The following TXK variants were observed in gnomAD, a reference collection of about 807,000 sequenced individuals.
TXK encodes tyrosine-protein kinase TXK.
Under a neutral mutation model 81.0 loss-of-function variants are expected in TXK, and 60 were observed. The ratio of observed to expected loss-of-function variants is 0.74; its 90% confidence interval spans 0.60 to 0.92. TXK has a LOEUF of 0.92. TXK is among the 40% of genes least tolerant of loss of function. The pLI is 0.00. For missense variants in TXK, 581 were observed against 638.3 expected, an observed-to-expected ratio of 0.91 and a Z score of 0.97; for synonymous variants, 203 against 210.7, an observed-to-expected ratio of 0.96 and a Z score of 0.32.
intron 1 of TXK, among the ~76,000 whole-genome samples, chr4:48,126,833 T>G (rs6814443): frequency 0.76 from 115,023 of 152,066 alleles, 43,754 homozygotes; most frequent in East Asian, 0.92. Flanking sequence ...GAAATTGCTG[T>G]TATCAGTCAG....
At chr4:48,079,033 T>G (rs1215813509) in intron 11 of TXK, among the ~76,000 whole-genome samples, 1 of 152,216 alleles carries the variant, frequency 6.6e-6, no homozygotes, top group Non-Finnish European at 1.5e-5. Flanking sequence ...TCAAGGCATA[T>G]TTAGAGTAAA....
chr4:48,068,709 G>A (rs746452112), intron 14 of TXK, among the ~76,000 whole-genome samples: 23 of 152,164 alleles, frequency 1.5e-4, no homozygotes, highest in Non-Finnish European at 3.2e-4. Flanking sequence ...AGAAGAGATG[G>A]CACTGTCAGC....
At chr4:48,089,998 A>G (rs995622800) in intron 8 of TXK, among the ~76,000 whole-genome samples, 174 bp from the exon 9 acceptor site, 1 of 152,148 alleles carries the variant, frequency 6.6e-6, no homozygotes, top group Non-Finnish European at 1.5e-5. Context: ...ATATATACTC[A>G]TTGTATACAA....
intron 8 of TXK, among the ~76,000 whole-genome samples, chr4:48,093,745 T>C (rs1325737878): frequency 1.3e-5 from 2 of 152,188 alleles, no homozygotes; most frequent in African/African-American, 4.8e-5. Context: ...GAAGCATCAT[T>C]ATTTAGGGTA....
At chr4:48,094,963 G>A (rs1466997) in intron 7 of TXK, among the ~76,000 whole-genome samples, 180 bp downstream of exon 7, 23,775 of 152,124 alleles carry the variant, frequency 0.16, 2,175 homozygotes, top group East Asian at 0.37. Flanking sequence ...AGACGGGAGA[G>A]GTTAAGAAAC....
chr4:48,095,070 C>A, intron 7 of TXK, 73 bp downstream of exon 7: 1 of 1,263,854 alleles, frequency 7.9e-7, no homozygotes, highest in South Asian at 1.2e-5. Context: ...GCTAAGCTCT[C>A]ACTAACATTC....
chr4:48,087,780 C>T (rs1717593848), intron 9 of TXK, among the ~76,000 whole-genome samples: 1 of 151,906 alleles, frequency 6.6e-6, no homozygotes, highest in Admixed American at 6.6e-5. Flanking sequence ...TATTCATGGC[C>T]TTGGAATTGG....
In TXK at chr4:48,114,413, G is replaced by C. The variant is rs1718738125; in HGVS notation, c.17-11C>G. The C allele has an allele frequency of 6.2e-7, 1 of 1,614,062 alleles. No individual in the cohort carries two copies. The highest frequency in any genetic ancestry group is 8.5e-7 in the Non-Finnish European group (1 of 1,179,946). ...ACTGGATGGTGTTATCTGAAAAGCA[G>C]ATCATTTCTCAGCTGTTAGAAAGCC... On this transcript the variant is annotated splice_polypyrimidine_tract_variant and intron_variant, in intron 1 of 14. Transcript: ENST00000264316.
chr4:48,094,374 A>G (rs983835304), intron 7 of TXK, among the ~76,000 whole-genome samples, 170 bp from the exon 8 acceptor site: 2 of 152,234 alleles, frequency 1.3e-5, no homozygotes, highest in African/African-American at 2.4e-5. Flanking sequence ...AAATTCCTCA[A>G]CTACATTATT....
chr4:48,092,303 G>A (rs1717807537), intron 8 of TXK, among the ~76,000 whole-genome samples: 1 of 152,086 alleles, frequency 6.6e-6, no homozygotes, highest in Admixed American at 6.6e-5. Flanking sequence ...ATAGAAGTAG[G>A]GCACATTGGG....
chr4:48,102,810 C>T (rs1442726540), intron 6 of TXK, among the ~76,000 whole-genome samples: 4 of 152,252 alleles, frequency 2.6e-5, no homozygotes, highest in Non-Finnish European at 5.9e-5. Flanking sequence ...GTACCCATAA[C>T]GGTACTTTGA....
intron 1 of TXK, among the ~76,000 whole-genome samples, chr4:48,121,287 ACT>A (rs1718954398): frequency 6.6e-6 from 1 of 151,980 alleles, no homozygotes; most frequent in Non-Finnish European, 1.5e-5. Flanking sequence ...TGAAATCTGA[ACT>A]CTTTTTCTTC....
intron 14 of TXK, among the ~76,000 whole-genome samples, chr4:48,069,173 A>G (rs6814131): frequency 0.84 from 127,387 of 151,958 alleles, 54,341 homozygotes; most frequent in East Asian, 1. Context: ...ATGGTGGCAC[A>G]TCACTGTAGT....
chr4:48,114,070 A>G (rs574587222), intron 2 of TXK, among the ~76,000 whole-genome samples: 3 of 152,298 alleles, frequency 2.0e-5, no homozygotes, highest in African/African-American at 7.2e-5. Flanking sequence ...ACAGACCTAT[A>G]AACAACATAC....
In TXK at chr4:48,086,502, G is replaced by T; in HGVS notation, c.920C>A (p.Ser307Tyr). The change falls in exon 10 of 15, where the codon TCT (serine) becomes TAT (tyrosine). Residue 307 changes from serine to tyrosine, a missense_variant. Coordinates refer to ENST00000264316, the MANE Select transcript of TXK (RefSeq NM_003328.3). ...GGCCTCTTCAATGAAATCCTCTTCAGACATGGAGCCTTCATTGATGGCCTT... is the reference window on the plus strand; with the variant it reads ...GGCCTCTTCAATGAAATCCTCTTCATACATGGAGCCTTCATTGATGGCCTT... ...AIKAINEGSMSEEDFIEEAKV... is the reference protein window; with the variant it reads ...AIKAINEGSMYEEDFIEEAKV... 1 of 1,614,074 alleles carries T rather than the reference G, an allele frequency of 6.2e-7. No homozygotes were observed. The highest frequency in any genetic ancestry group is 8.5e-7 in the Non-Finnish European group (1 of 1,179,986).
intron 5 of TXK, among the ~76,000 whole-genome samples, chr4:48,107,838 G>A (rs541125284): frequency 6.6e-6 from 1 of 151,342 alleles, no homozygotes; most frequent in East Asian, 1.9e-4. Flanking sequence ...AGAGGCGGGC[G>A]GATCACGGGG....
intron 2 of TXK, 103 bp from the exon 3 acceptor site, chr4:48,113,412 T>G: frequency 1.2e-6 from 1 of 827,448 alleles, no homozygotes; most frequent in East Asian, 2.5e-5. Context: ...CAGGTCTCTT[T>G]CCAACTCCAT....
intron 13 of TXK, among the ~76,000 whole-genome samples, chr4:48,073,383 T>C (rs1716940548): frequency 6.6e-6 from 1 of 152,230 alleles, no homozygotes; most frequent in African/African-American, 2.4e-5. Context: ...CGTGGGTCTA[T>C]GGTGTCTCTT....
intron 1 of TXK, among the ~76,000 whole-genome samples, chr4:48,126,352 AATACAGTGTATG>A (rs1374979766): frequency 6.6e-6 from 1 of 152,242 alleles, no homozygotes. Flanking sequence ...TTATTGTAAG[AATACAGTGTATG>A]ATACACATAA....
Sources: gnomAD v4.1 joint callset for allele counts (sites outside exome capture counted in the v4.1 genomes callset) on GRCh38, gnomAD v4.1.1 for gene constraint, MANE v1.5 for transcripts, NCBI Gene and HGNC (gene_info 2026-07-23, HGNC 2026-07-21) for gene names.